Variants in CACUL1 observed in about 807,000 individuals in gnomAD.
CACUL1 encodes CDK2-associated and cullin domain-containing protein 1.
In CACUL1, 13 loss-of-function variants were observed where a neutral mutation model predicts 45.2. The ratio of observed to expected loss-of-function variants is 0.29; its 90% CI spans 0.19 to 0.46. The LOEUF is 0.46. CACUL1 is among the 20% of genes least tolerant of loss of function. The probability of loss-of-function intolerance (pLI) is 1.00; values close to 1 mark genes in which losing one functional copy is unlikely to be tolerated. For synonymous variants in CACUL1, 197 were observed against 174.2 expected (o/e 1.13, Z -1.03); for missense variants, 421 against 471.4 (o/e 0.89, Z 0.99).
At chr10:118,690,524 A>C (rs1197462090) in intron 7 of CACUL1, among the ~76,000 whole-genome samples, 1 of 152,148 alleles carries the variant, frequency 6.6e-6, no homozygotes, top group Non-Finnish European at 1.5e-5. Context: ...CAAAACCAAG[A>C]AAGGTAAATA....
In CACUL1 at chr10:118,682,990, T is replaced by TA. The variant is rs1322242564; in HGVS notation, c.*3137dup. ...TAACCTTGCCTAAGAACCATTAGGA[T>TA]AAAAGTCACAACACCAGGTTTTGCT... On this transcript the variant is annotated 3_prime_UTR_variant, in exon 9 of 9. Coordinates refer to ENST00000369151, the MANE Select transcript of CACUL1 (RefSeq NM_153810.5). 1 of 152,208 alleles carries TA rather than the reference T, an allele frequency of 6.6e-6. No homozygotes were observed. The highest frequency in any genetic ancestry group is 1.5e-5 in the Non-Finnish European group (1 of 68,030). 9.4% of individuals were successfully genotyped at this position (152,208 alleles called of 1,614,324 possible). A position where few individuals can be genotyped will look rare whatever the true frequency, so the allele number is the denominator to read the frequency against.
At position 118,678,148 on chromosome 10, in the gene CACUL1, T is replaced by C. The variant is rs1845115678; in HGVS notation, c.*7980A>G. 1 of 152,204 alleles carries C rather than the reference T, an allele frequency of 6.6e-6. No individual in the cohort carries two copies. Among genetic ancestry groups the C allele is most frequent in the Admixed American group, 6.5e-5 (1 of 15,282 alleles). The allele number at this position is 152,204 out of a possible 1,614,324, so 9.4% of individuals were successfully genotyped here. On this transcript the variant is annotated 3_prime_UTR_variant, in exon 9 of 9. Coordinates refer to ENST00000369151, the MANE Select transcript of CACUL1 (RefSeq NM_153810.5). ...GTGAAATGCCTGCTAGTGTTTGGGG[T>C]CCGTCTCTCCTGAGTTGTTTTCATT...
At chr10:118,693,922 T>G (rs1317577603) in intron 6 of CACUL1, among the ~76,000 whole-genome samples, 1 of 152,176 alleles carries the variant, frequency 6.6e-6, no homozygotes, top group East Asian at 1.9e-4. Flanking sequence ...GCCTAAGGGT[T>G]TTGTTTTGTT....
chr10:118,699,649 A>ATT (rs61106518), intron 5 of CACUL1, among the ~76,000 whole-genome samples: 1,748 of 149,076 alleles, frequency 0.012, 33 homozygotes, highest in African/African-American at 0.039. Context: ...TCATGAGACA[A>ATT]TTTTTTTTTT....
intron 5 of CACUL1, among the ~76,000 whole-genome samples, chr10:118,700,446 A>G (rs1845367675): frequency 6.6e-6 from 1 of 152,056 alleles, no homozygotes; most frequent in South Asian, 2.1e-4. Context: ...GGCCAGGTGC[A>G]GTGGCTCACG....
intron 1 of CACUL1, among the ~76,000 whole-genome samples, chr10:118,748,474 T>C (rs1056204667): frequency 1.3e-5 from 2 of 152,190 alleles, no homozygotes; most frequent in African/African-American, 4.8e-5. Context: ...ATTCTCATGC[T>C]GTGTGCTATG....
At chr10:118,741,461 G>C (rs920214506) in intron 1 of CACUL1, among the ~76,000 whole-genome samples, 1 of 149,878 alleles carries the variant, frequency 6.7e-6, no homozygotes, top group Non-Finnish European at 1.5e-5. Flanking sequence ...AAAAGAGACA[G>C]ACAGACACAC....
chr10:118,729,225 A>G, intron 3 of CACUL1, 70 bp downstream of exon 3: 4 of 927,146 alleles, frequency 4.3e-6, no homozygotes, highest in South Asian at 4.1e-5. Context: ...CCAAATGTGT[A>G]TTAGAAAAGC....
At chr10:118,708,095 C>T (rs959358284) in intron 3 of CACUL1, among the ~76,000 whole-genome samples, 1 of 146,242 alleles carries the variant, frequency 6.8e-6, no homozygotes, top group African/African-American at 2.6e-5. Context: ...TTGCAGTGAG[C>T]CGAGATCATA....
intron 1 of CACUL1, among the ~76,000 whole-genome samples, chr10:118,748,327 T>C (rs1484159419): frequency 6.6e-6 from 1 of 152,154 alleles, no homozygotes; most frequent in Non-Finnish European, 1.5e-5. Flanking sequence ...TGCTCACTGC[T>C]TTCTATAAAA....
intron 3 of CACUL1, among the ~76,000 whole-genome samples, chr10:118,726,580 G>T (rs1470323546): frequency 6.6e-6 from 1 of 152,166 alleles, no homozygotes; most frequent in Non-Finnish European, 1.5e-5. Context: ...GTTTTGAGAG[G>T]AGTGCAGGAG....
At chr10:118,743,262 CAT>C (rs1845808583) in intron 1 of CACUL1, among the ~76,000 whole-genome samples, 1 of 151,774 alleles carries the variant, frequency 6.6e-6, no homozygotes. Context: ...AGTGTTATAA[CAT>C]ATGTGTAACT....
intron 3 of CACUL1, among the ~76,000 whole-genome samples, chr10:118,708,800 C>G (rs528964221): frequency 9.8e-5 from 15 of 152,286 alleles, no homozygotes; most frequent in Admixed American, 4.6e-4. Flanking sequence ...ATTTACAAGC[C>G]AGAAAGAGGG....
chr10:118,697,443 T>C (rs1845334236), intron 5 of CACUL1, among the ~76,000 whole-genome samples: 1 of 152,216 alleles, frequency 6.6e-6, no homozygotes, highest in African/African-American at 2.4e-5. Flanking sequence ...AGCCGTATAG[T>C]TTAAACACTA....
At chr10:118,730,194 T>G (rs1845685178) in intron 2 of CACUL1, 90 bp downstream of exon 2, 1 of 1,331,122 alleles carries the variant, frequency 7.5e-7, no homozygotes, top group South Asian at 1.2e-5. Context: ...TCTTATGCAT[T>G]CTACATTACA....
At chr10:118,695,453 TCATGAAGGTTCTGAAAA>T (rs1845313296) in intron 5 of CACUL1, among the ~76,000 whole-genome samples, 2 of 152,170 alleles carry the variant, frequency 1.3e-5, no homozygotes, top group Non-Finnish European at 2.9e-5. Flanking sequence ...ATGAATCAAT[TCATGAAGGTTCTGAAAA>T]GTAAGTAAAG....
chr10:118,684,819 T>C lies in CACUL1; in HGVS notation c.*1309A>G, dbSNP rs373476175. 2.6e-5 allele frequency: 4 copies of C among 152,374 alleles called. No homozygotes were observed. The East Asian group carries it at 5.8e-4, about 22-fold the overall frequency. The allele number at this position is 152,374 out of a possible 1,614,324, so 9.4% of individuals were successfully genotyped here. A position where few individuals can be genotyped will look rare whatever the true frequency, so the allele number is the denominator to read the frequency against. On this transcript the variant is annotated 3_prime_UTR_variant, in exon 9 of 9. Transcript: ENST00000369151. ...GAAGAGGTAAATACTATTAGTCTGA[T>C]GTTGCCTAGTAGAGAAGCCTATGCT...
At chr10:118,701,123 G>A (rs376836446) in intron 5 of CACUL1, among the ~76,000 whole-genome samples, 183 bp downstream of exon 5, 6 of 152,066 alleles carry the variant, frequency 3.9e-5, no homozygotes, top group African/African-American at 1.2e-4. Context: ...ACAGCTCACC[G>A]GGTGACCTTC....
intron 3 of CACUL1, among the ~76,000 whole-genome samples, chr10:118,709,071 T>C (rs973340330): frequency 2.0e-4 from 30 of 152,230 alleles, no homozygotes; most frequent in Non-Finnish European, 8.8e-5. Context: ...AGTTAACACA[T>C]ATTTTGTATA....
Sources: gnomAD v4.1 joint callset for allele counts (sites outside exome capture counted in the v4.1 genomes callset) on GRCh38, gnomAD v4.1.1 for gene constraint, MANE v1.5 for transcripts, NCBI Gene and HGNC (gene_info 2026-07-23, HGNC 2026-07-21) for gene names.